The following DYRK1A variants were observed in gnomAD, a reference collection of about 807,000 sequenced individuals.
The protein encoded by DYRK1A is dual specificity tyrosine-phosphorylation-regulated kinase 1A.
A neutral mutation model predicts 79.7 loss-of-function variants in DYRK1A; 9 were observed. That is an observed-to-expected ratio of 0.11 (90% CI 0.07 to 0.20). The LOEUF is 0.20. Among genes scored for constraint, DYRK1A ranks in the 10% least tolerant of loss-of-function variants. DYRK1A has a pLI of 1.00. For missense variants in DYRK1A, 622 were observed against 956.0 expected (o/e 0.65, Z 4.61); for synonymous variants, 349 against 329.7 (o/e 1.06, Z -0.63).
intron 1 of DYRK1A, among the ~76,000 whole-genome samples, chr21:37,399,992 C>T (rs890834369): frequency 7.2e-5 from 11 of 152,134 alleles, no homozygotes; most frequent in African/African-American, 2.7e-4. Flanking sequence ...GAAATTTATT[C>T]TCTTACAGTT....
intron 2 of DYRK1A, among the ~76,000 whole-genome samples, chr21:37,423,670 C>G (rs2050537875): frequency 6.6e-6 from 1 of 152,000 alleles, no homozygotes; most frequent in African/African-American, 2.4e-5. Flanking sequence ...GGCTGCCATT[C>G]TTTGTTTTGT....
At position 37,505,094 on chromosome 21, in the gene DYRK1A, AT is replaced by A. The variant is rs2053555221; in HGVS notation, c.1213-187del. The stretch of plus-strand genomic sequence containing the variant: ...CTTTATAGCCATTTTTGGTCTCAGA[AT>A]TAATGTTGAACTGTAACTACCATGC... On this transcript the variant is annotated intron_variant, in intron 9 of 11. Transcript: ENST00000647188. The A allele has an allele frequency of 5.3e-6, 3 of 571,170 alleles. No homozygotes were observed. In the African/African-American group the frequency reaches 5.6e-5, roughly 11 times the overall value. The allele number at this position is 571,170 out of a possible 1,614,324, so 35.4% of individuals were successfully genotyped here.
chr21:37,501,255 C>A (rs1319716097), intron 9 of DYRK1A: 2 of 147,636 alleles, frequency 1.4e-5, no homozygotes, highest in Non-Finnish European at 3.0e-5. Flanking sequence ...ACTGCAACTT[C>A]CGCCTCCCAG....
chr21:37,505,270 TTC>T lies in DYRK1A; in HGVS notation c.1213-7_1213-6del. On this transcript the variant is annotated splice_polypyrimidine_tract_variant and intron_variant, in intron 9 of 11. Transcript: ENST00000647188. The stretch of plus-strand genomic sequence containing the variant: ...CCAAATTTAGAGAAAGCCTTTCATC[TTC>T]TCTCTTACAGGAGTACAAACCACCA... 1 of 1,575,042 alleles carries T rather than the reference TTC, an allele frequency of 6.3e-7. No individual in the cohort carries two copies. The highest frequency in any genetic ancestry group is 8.6e-7 in the Non-Finnish European group (1 of 1,159,216).
At position 37,520,798 on chromosome 21, in the gene DYRK1A, T is replaced by TC. The variant is rs1358822530; in HGVS notation, c.*8269dup. 6.6e-6 allele frequency: 1 copy of TC among 152,208 alleles called. No homozygotes were observed. The highest frequency in any genetic ancestry group is 1.5e-5 in the Non-Finnish European group (1 of 68,088). 9.4% of individuals were successfully genotyped at this position (152,208 alleles called of 1,614,324 possible). A position where few individuals can be genotyped will look rare whatever the true frequency, so the allele number is the denominator to read the frequency against. Reference sequence around the variant, plus strand: ...GCTCAGAGGCCTTTGGCACGATGGGTCCTCCCAGCAGGGGCTCCAGCGCTC... The same window carrying TC: ...GCTCAGAGGCCTTTGGCACGATGGGTCCCTCCCAGCAGGGGCTCCAGCGCTC... On this transcript the variant is annotated 3_prime_UTR_variant, in exon 12 of 12. Coordinates refer to ENST00000647188, the MANE Select transcript of DYRK1A (RefSeq NM_001347721.2).
Position 37,506,192 on chromosome 21 carries a change from A to G in DYRK1A, c.1613A>G (p.Gln538Arg), listed in dbSNP as rs2053592141. 1 of 1,614,200 alleles carries G rather than the reference A, an allele frequency of 6.2e-7. No homozygotes were observed. The highest frequency in any genetic ancestry group is 1.3e-5 in the African/African-American group (1 of 75,062). Residue 538 changes from glutamine to arginine, a missense_variant, in exon 11 of 12, where the codon CAG (glutamine) becomes CGG (arginine). Physicochemically the swap from Gln to Arg is conservative, Grantham distance 43 (BLOSUM62 1). This residue lies in a region of DYRK1A where 292 missense variants were observed against 316.7 expected (regional missense o/e 0.92). Coordinates refer to ENST00000647188, the MANE Select transcript of DYRK1A (RefSeq NM_001347721.2). ...GGTGGGCACTTCACAGCTGCCGTGCAGGCCATGGACTGCGAGACACACAGT... is the reference window on the plus strand; with the variant it reads ...GGTGGGCACTTCACAGCTGCCGTGCGGGCCATGGACTGCGAGACACACAGT... ...HSGGHFTAAV[Q>R]AMDCETHSPQ...
chr21:37,369,806 T>C (rs905960291), intron 1 of DYRK1A, among the ~76,000 whole-genome samples: 1 of 152,258 alleles, frequency 6.6e-6, no homozygotes, highest in Non-Finnish European at 1.5e-5. Context: ...TTTTGAGATC[T>C]AAGTATAAGA....
chr21:37,436,963 G>A (rs1185117529), intron 2 of DYRK1A, among the ~76,000 whole-genome samples: 3 of 152,100 alleles, frequency 2.0e-5, no homozygotes, highest in Non-Finnish European at 4.4e-5. Flanking sequence ...TTTTGGATTG[G>A]GACTAGGAAA....
At chr21:37,495,852 C>T (rs1336325169) in intron 8 of DYRK1A, among the ~76,000 whole-genome samples, 1 of 152,044 alleles carries the variant, frequency 6.6e-6, no homozygotes, top group East Asian at 1.9e-4. Context: ...TTTAAAACTT[C>T]CTCTCATCTT....
chr21:37,441,326 G>A (rs1243056973), intron 2 of DYRK1A, among the ~76,000 whole-genome samples: 5 of 151,844 alleles, frequency 3.3e-5, no homozygotes, highest in Admixed American at 3.3e-4. Context: ...TTTTCTTGTT[G>A]TTCCTGGTCT....
rs987543531 is a variant in DYRK1A at position 37,465,968 on chromosome 21, C to T, written c.11-6716C>T. 5.9e-5 allele frequency among the ~76,000 whole-genome samples: 9 copies of T among 152,230 alleles called. No individual in the cohort carries two copies. In the East Asian group the frequency reaches 1.7e-3, roughly 29 times the overall value. On this transcript the variant is annotated intron_variant, in intron 2 of 11. Transcript: ENST00000647188. Reference sequence around the variant, plus strand: ...TGTTACAGATTATGAATGGCATTGTCACCTCCGCAAGACAGTGCTGATGCA... The same window carrying T: ...TGTTACAGATTATGAATGGCATTGTTACCTCCGCAAGACAGTGCTGATGCA...
intron 1 of DYRK1A, among the ~76,000 whole-genome samples, chr21:37,373,826 TGAA>T (rs1370398888): frequency 6.6e-6 from 1 of 152,214 alleles, no homozygotes; most frequent in African/African-American, 2.4e-5. Flanking sequence ...TTGGGTCTAC[TGAA>T]GAAGGGGAGA....
chr21:37,505,246 C>G, intron 9 of DYRK1A, 37 bp from the exon 10 acceptor site: 1 of 1,528,194 alleles, frequency 6.5e-7, no homozygotes. Flanking sequence ...CGTATTCCAC[C>G]AAATTTAGAG....
chr21:37,495,225 CTG>C (rs1196888433), intron 8 of DYRK1A, among the ~76,000 whole-genome samples: 4 of 147,162 alleles, frequency 2.7e-5, no homozygotes, highest in African/African-American at 7.6e-5. Flanking sequence ...GCTCTGAAAA[CTG>C]GGTTGGGTGC....
intron 7 of DYRK1A, 102 bp downstream of exon 7, chr21:37,490,563 C>A: frequency 1.3e-6 from 1 of 799,278 alleles, no homozygotes; most frequent in Non-Finnish European, 1.6e-6. Context: ...CGGTTTTCGC[C>A]ATTGCAGTTG....
chr21:37,455,353 G>T (rs1478090665), intron 2 of DYRK1A, among the ~76,000 whole-genome samples: 1 of 151,926 alleles, frequency 6.6e-6, no homozygotes, highest in Non-Finnish European at 1.5e-5. Flanking sequence ...ATTTTCAATA[G>T]AATTTTAAAT....
At chr21:37,481,848 TAA>T (rs34372747) in intron 5 of DYRK1A, among the ~76,000 whole-genome samples, 1 of 147,754 alleles carries the variant, frequency 6.8e-6, no homozygotes, top group African/African-American at 2.5e-5. Flanking sequence ...TCTATTCATT[TAA>T]AAAAAAAAAA....
intron 2 of DYRK1A, among the ~76,000 whole-genome samples, chr21:37,422,298 A>G (rs752212477): frequency 3.7e-4 from 57 of 152,148 alleles, no homozygotes; most frequent in Non-Finnish European, 6.9e-4. Context: ...ATTGTTTTTG[A>G]ACATAAAATT....
upstream of DYRK1A, among the ~76,000 whole-genome samples, chr21:37,366,562 T>A (rs1311115600): frequency 6.9e-5 from 10 of 145,772 alleles, no homozygotes. Context: ...CCTCTGACAC[T>A]CGTAGCGGAC....
Sources: gnomAD v4.1 joint callset for allele counts (sites outside exome capture counted in the v4.1 genomes callset) on GRCh38, gnomAD v4.1.1 for gene constraint, gnomAD v4.1.1 regional missense constraint, MANE v1.5 for transcripts, NCBI Gene and HGNC (gene_info 2026-07-23, HGNC 2026-07-21) for gene names.